Variants in GSDMA observed in about 807,000 individuals in gnomAD.
GSDMA encodes gasdermin-A.
Under a neutral mutation model 54.3 loss-of-function variants are expected in GSDMA, and 55 were observed. That is an observed-to-expected ratio of 1.01 (90% CI 0.82 to 1.27). GSDMA has a LOEUF of 1.27. Among genes scored for constraint, GSDMA ranks in the 50% most tolerant of loss-of-function variants. The probability of loss-of-function intolerance (pLI) is 0.00; values close to 1 mark genes in which losing one functional copy is unlikely to be tolerated. For synonymous variants in GSDMA, 211 were observed against 224.7 expected (o/e 0.94, Z 0.54); for missense variants, 542 against 542.6 (o/e 1.00, Z 0.01).
At position 39,965,772 on chromosome 17, in the gene GSDMA, G is replaced by T; in HGVS notation, c.85G>T (p.Asp29Tyr). Residue 29 changes from aspartate (D) to tyrosine (Y), a missense_variant, in exon 2 of 12, where the codon GAC becomes TAC. By Grantham distance (160) the Asp-to-Tyr change is radical. Coordinates refer to ENST00000301659, the MANE Select transcript of GSDMA (RefSeq NM_178171.5). ...CCTGACACCACTTGACAGCCTCATC[G>T]ACTTCAAGCGCTTCCATCCCTTCTG... ...GDLTPLDSLI[D>Y]FKRFHPFCLV... The T allele has an allele frequency of 6.2e-7, 1 of 1,610,914 alleles. No homozygotes were observed. Among genetic ancestry groups the T allele is most frequent in the South Asian group, 1.1e-5 (1 of 90,392 alleles).
At chr17:39,974,492 G>A in intron 9 of GSDMA, 65 bp downstream of exon 9, 1 of 1,481,936 alleles carries the variant, frequency 6.7e-7, no homozygotes, top group Non-Finnish European at 9.1e-7. Context: ...TTTGGTGGGG[G>A]CGGGTATTGC....
At chr17:39,970,954 G>T (rs1194166270) in intron 4 of GSDMA, among the ~76,000 whole-genome samples, 1 of 152,190 alleles carries the variant, frequency 6.6e-6, no homozygotes, top group Non-Finnish European at 1.5e-5. Flanking sequence ...TTCCAAAGAG[G>T]AGACATCTTT....
intron 5 of GSDMA, 129 bp from the exon 6 acceptor site, chr17:39,972,000 G>T: frequency 1.6e-6 from 1 of 625,548 alleles, no homozygotes; most frequent in Non-Finnish European, 2.9e-6. Flanking sequence ...GGTTGAAGCT[G>T]GGAATTAAAT....
At chr17:39,964,962 C>CA (rs903791074) in intron 1 of GSDMA, among the ~76,000 whole-genome samples, 66 of 151,718 alleles carry the variant, frequency 4.4e-4, no homozygotes, top group African/African-American at 6.5e-4. Flanking sequence ...TCTGTCTCTA[C>CA]AAAAAAAATT....
rs374176758 is a variant in GSDMA, at chr17:39,975,975, T to C, written c.1073T>C (p.Ile358Thr). The change falls in exon 11 of 12, where the codon ATC (isoleucine) becomes ACC (threonine). Residue 358 changes from isoleucine (I) to threonine (T), a missense_variant. Ile to Thr is a moderately conservative substitution (Grantham distance 89). Coordinates refer to ENST00000301659, the MANE Select transcript of GSDMA (RefSeq NM_178171.5). Reference protein sequence around the residue: ...KLLVKSMEKKILPVQLKLVES... With the variant: ...KLLVKSMEKKTLPVQLKLVES... ...CTGGTGAAATCCATGGAGAAAAAGA[T>C]CCTACCCGTGCAGCTAAAGCTGGTG... 27 of 1,598,820 alleles carry C rather than the reference T, an allele frequency of 1.7e-5. No individual in the cohort carries two copies. The highest frequency in any genetic ancestry group is 2.3e-5 in the Non-Finnish European group (27 of 1,172,574).
At chr17:39,970,783 G>A in intron 4 of GSDMA, 136 bp downstream of exon 4, 1 of 635,064 alleles carries the variant, frequency 1.6e-6, no homozygotes, top group Non-Finnish European at 2.2e-6. Context: ...TGCTGAAAAG[G>A]GCCACTCCTT....
chr17:39,971,023 C>T (rs1771804400), intron 4 of GSDMA, among the ~76,000 whole-genome samples: 1 of 152,226 alleles, frequency 6.6e-6, no homozygotes, highest in Non-Finnish European at 1.5e-5. Context: ...CCAGAGAACA[C>T]AGGCTTGGAA....
chr17:39,975,047 C>T, intron 10 of GSDMA, 33 bp downstream of exon 10: 1 of 1,187,156 alleles, frequency 8.4e-7, no homozygotes, highest in Non-Finnish European at 1.2e-6. Flanking sequence ...ATTTATAGAC[C>T]TTTTCAGTAA....
intron 10 of GSDMA, among the ~76,000 whole-genome samples, chr17:39,975,720 G>A (rs1370892433): frequency 6.6e-6 from 1 of 152,120 alleles, no homozygotes; most frequent in Non-Finnish European, 1.5e-5. Context: ...TGGTCCTTCA[G>A]GTGTAAGCCA....
intron 10 of GSDMA, 55 bp from the exon 11 acceptor site, chr17:39,975,869 G>A: frequency 7.8e-7 from 1 of 1,280,232 alleles, no homozygotes; most frequent in Non-Finnish European, 1.1e-6. Context: ...CTATTTGGAG[G>A]CTGTAGTCCC....
In GSDMA at chr17:39,976,017, T is replaced by A. The variant is rs1233144132; in HGVS notation, c.1095+20T>A. On this transcript the variant is annotated intron_variant, in intron 11 of 11. Transcript: ENST00000301659. ...AAGCTGGTGAGGGAAAAACAGCAGATGCTGGGGAGAGTCTGGGAGTAGCTG... is the reference window on the plus strand; with the variant it reads ...AAGCTGGTGAGGGAAAAACAGCAGAAGCTGGGGAGAGTCTGGGAGTAGCTG... 1 of 1,560,608 alleles carries A rather than the reference T, an allele frequency of 6.4e-7. No individual in the cohort carries two copies. Among genetic ancestry groups the A allele is most frequent in the South Asian group, 1.2e-5 (1 of 85,154 alleles).
intron 2 of GSDMA, 105 bp from the exon 3 acceptor site, chr17:39,966,155 G>A (rs1022577760): frequency 1.6e-6 from 2 of 1,231,148 alleles, no homozygotes; most frequent in East Asian, 4.7e-5. Flanking sequence ...TCAAACTCCT[G>A]GGCTCAAGCA....
At chr17:39,963,410 C>T (rs78295195) in intron 1 of GSDMA, among the ~76,000 whole-genome samples, 1 of 151,966 alleles carries the variant, frequency 6.6e-6, no homozygotes, top group Non-Finnish European at 1.5e-5. Context: ...CTTCCTGCCC[C>T]CCCTGCTGCT....
chr17:39,976,554 A>G (rs887777368), intron 11 of GSDMA, among the ~76,000 whole-genome samples: 2 of 152,196 alleles, frequency 1.3e-5, no homozygotes, highest in Non-Finnish European at 2.9e-5. Flanking sequence ...CTGGGATTAC[A>G]GGTGTGAGCC....
intron 4 of GSDMA, among the ~76,000 whole-genome samples, 171 bp from the exon 5 acceptor site, chr17:39,971,347 CACAAGG>C (rs1417875478): frequency 1.3e-5 from 2 of 152,148 alleles, no homozygotes; most frequent in Non-Finnish European, 1.5e-5. Flanking sequence ...CAGAAATGAG[CACAAGG>C]ACTTTGAAGT....
chr17:39,972,081 G>C (rs775123202), intron 5 of GSDMA, 48 bp from the exon 6 acceptor site: 2 of 1,303,678 alleles, frequency 1.5e-6, no homozygotes, highest in East Asian at 4.8e-5. Flanking sequence ...AGGGAATGTG[G>C]GGCAGCTGCT....
intron 8 of GSDMA, 122 bp downstream of exon 8, chr17:39,973,952 T>C: frequency 2.1e-6 from 2 of 968,830 alleles, no homozygotes; most frequent in Non-Finnish European, 3.2e-6. Flanking sequence ...CAGACTTTCT[T>C]TCTCCACTTT....
At position 39,965,673 on chromosome 17, in the gene GSDMA, A is replaced by G; in HGVS notation, c.-5-10A>G. 6.3e-7 allele frequency: 1 copy of G among 1,585,134 alleles called. No individual in the cohort carries two copies. The highest frequency in any genetic ancestry group is 8.6e-7 in the Non-Finnish European group (1 of 1,164,978). ...CACCTTGACACTCTCCTGTCTCCCC[A>G]CCTCCACAGAGACAATGACCATGTT... On this transcript the variant is annotated splice_polypyrimidine_tract_variant and intron_variant, in intron 1 of 11. Transcript: ENST00000301659.
At chr17:39,975,066 A>G in intron 10 of GSDMA, 52 bp downstream of exon 10, 1 of 929,664 alleles carries the variant, frequency 1.1e-6, no homozygotes, top group Non-Finnish European at 1.7e-6. Flanking sequence ...AATAGGAATG[A>G]ATCACTTGAA....
Sources: allele counts gnomAD v4.1 joint callset (sites outside exome capture counted in the v4.1 genomes callset), GRCh38; gene constraint gnomAD v4.1.1; transcripts MANE v1.5; gene names NCBI Gene and HGNC (gene_info 2026-07-23, HGNC 2026-07-21).